The following MEGF11 variants were observed in gnomAD, a reference collection of about 807,000 sequenced individuals.
MEGF11 encodes multiple epidermal growth factor-like domains protein 11.
In MEGF11, 126 loss-of-function variants were observed where a neutral mutation model predicts 146.6. The ratio of observed to expected loss-of-function variants is 0.86; its 90% CI spans 0.74 to 1.00. MEGF11 has a LOEUF of 1.00. Among genes scored for constraint, MEGF11 ranks in the 50% least tolerant of loss-of-function variants. MEGF11 has a pLI of 0.00. For missense variants in MEGF11, 1,509 were observed against 1,521.2 expected (o/e 0.99, Z 0.13); for synonymous variants, 532 against 583.4 (o/e 0.91, Z 1.27).
At chr15:66,126,283 A>G (rs1285896693) in intron 2 of MEGF11, among the ~76,000 whole-genome samples, 1 of 152,116 alleles carries the variant, frequency 6.6e-6, no homozygotes, top group African/African-American at 2.4e-5. Flanking sequence ...GGAAAGACTG[A>G]GAAGAAGAAA....
chr15:65,965,621 T>TCTTTCTTTC (rs2081062250), intron 8 of MEGF11, among the ~76,000 whole-genome samples: 9 of 136,130 alleles, frequency 6.6e-5, no homozygotes, highest in Non-Finnish European at 1.1e-4. Context: ...TTCTTTTTTT[T>TCTTTCTTTC]TTTTTTGGCT....
chr15:66,065,550 TA>T (rs2140435922), intron 5 of MEGF11, among the ~76,000 whole-genome samples: 1 of 152,192 alleles, frequency 6.6e-6, no homozygotes, highest in African/African-American at 2.4e-5. Flanking sequence ...CCAGCTCCCT[TA>T]AAAGACACAG....
At chr15:66,196,868 T>C (rs575745025) in intron 1 of MEGF11, among the ~76,000 whole-genome samples, 4 of 152,300 alleles carry the variant, frequency 2.6e-5, no homozygotes, top group African/African-American at 9.6e-5. Context: ...ATGACAGACC[T>C]CTAAAAATAA....
intron 10 of MEGF11, among the ~76,000 whole-genome samples, chr15:65,949,455 G>T (rs1043014342): frequency 2.0e-5 from 3 of 152,234 alleles, no homozygotes; most frequent in Non-Finnish European, 4.4e-5. Context: ...CCAGCATGCA[G>T]GGTTGAATAA....
chr15:66,250,909 AAAAG>A (rs2092361642), intron 1 of MEGF11, among the ~76,000 whole-genome samples: 1 of 152,170 alleles, frequency 6.6e-6, no homozygotes, highest in Non-Finnish European at 1.5e-5. Context: ...TCTCAAAAAA[AAAAG>A]AATGAAAAAA....
intron 10 of MEGF11, among the ~76,000 whole-genome samples, chr15:65,936,161 G>T (rs1205734753): frequency 1.3e-5 from 2 of 152,048 alleles, no homozygotes; most frequent in Non-Finnish European, 2.9e-5. Context: ...TTTGCCTTGG[G>T]TATGTCTGTG....
At chr15:65,898,552 T>G in intron 25 of MEGF11, 176 bp downstream of exon 25, 1 of 985,396 alleles carries the variant, frequency 1.0e-6, no homozygotes, top group South Asian at 4.7e-5. Context: ...ATAATTTGAC[T>G]TCCTGCATTA....
intron 4 of MEGF11, among the ~76,000 whole-genome samples, chr15:66,116,287 C>T (rs1170751500): frequency 6.6e-6 from 1 of 152,098 alleles, no homozygotes; most frequent in Non-Finnish European, 1.5e-5. Context: ...GAGTGTTAGT[C>T]CCGCCTTCCC....
At chr15:66,031,683 A>G (rs1183222079) in intron 5 of MEGF11, among the ~76,000 whole-genome samples, 8 of 152,182 alleles carry the variant, frequency 5.3e-5, no homozygotes, top group Non-Finnish European at 1.0e-4. Flanking sequence ...TCAGTGTGTG[A>G]TCTTGAGCAA....
chr15:66,150,297 T>C (rs2089515004), intron 1 of MEGF11, among the ~76,000 whole-genome samples: 1 of 152,254 alleles, frequency 6.6e-6, no homozygotes, highest in Non-Finnish European at 1.5e-5. Context: ...TAAGAATCAA[T>C]AACACAATTA....
At chr15:66,189,777 T>A (rs2090819593) in intron 1 of MEGF11, among the ~76,000 whole-genome samples, 1 of 152,052 alleles carries the variant, frequency 6.6e-6, no homozygotes, top group African/African-American at 2.4e-5. Context: ...CCCTGGCACT[T>A]AGTAGTTGCT....
chr15:66,095,154 C>T (rs1045816110), intron 4 of MEGF11, among the ~76,000 whole-genome samples: 6 of 152,352 alleles, frequency 3.9e-5, no homozygotes, highest in Non-Finnish European at 4.4e-5. Flanking sequence ...ATGCTGCAGC[C>T]TCCTGAGGTG....
intron 5 of MEGF11, among the ~76,000 whole-genome samples, chr15:66,015,056 G>A (rs1030885431): frequency 2.6e-5 from 4 of 152,134 alleles, no homozygotes; most frequent in Non-Finnish European, 4.4e-5. Context: ...TCAACATGAC[G>A]TAACAAAACA....
intron 8 of MEGF11, among the ~76,000 whole-genome samples, chr15:65,968,936 G>A (rs1364402103): frequency 2.0e-5 from 3 of 152,280 alleles, no homozygotes; most frequent in South Asian, 2.1e-4. Flanking sequence ...TGTCACCTAC[G>A]AAATTAATGG....
chr15:66,056,182 A>G (rs1300155309), intron 5 of MEGF11, among the ~76,000 whole-genome samples: 1 of 151,292 alleles, frequency 6.6e-6, no homozygotes, highest in East Asian at 1.9e-4. Flanking sequence ...GGTCTAGTTA[A>G]TGCCTTACCC....
intron 11 of MEGF11, among the ~76,000 whole-genome samples, chr15:65,930,410 TCTCC>T (rs1199228655): frequency 6.6e-6 from 1 of 152,014 alleles, no homozygotes. Flanking sequence ...AGGTGTGTCC[TCTCC>T]CTCTTTCTCT....
intron 5 of MEGF11, among the ~76,000 whole-genome samples, chr15:66,025,504 C>T (rs145088576): frequency 3.9e-4 from 60 of 152,230 alleles, no homozygotes; most frequent in African/African-American, 1.2e-3. Flanking sequence ...AAGGGTAGCA[C>T]GGTGGAGTCG....
At chr15:66,041,269 T>C (rs1339603491) in intron 5 of MEGF11, among the ~76,000 whole-genome samples, 2 of 152,214 alleles carry the variant, frequency 1.3e-5, no homozygotes, top group Non-Finnish European at 2.9e-5. Flanking sequence ...CTGTGTTTAT[T>C]AAGGCTCACA....
intron 3 of MEGF11, among the ~76,000 whole-genome samples, chr15:66,123,548 C>T (rs762066822): frequency 2.0e-5 from 3 of 152,178 alleles, no homozygotes; most frequent in Non-Finnish European, 2.9e-5. Context: ...GTTACTTCTA[C>T]GGCAACTGGG....
Sources: allele counts gnomAD v4.1 joint callset (sites outside exome capture counted in the v4.1 genomes callset), GRCh38; gene constraint gnomAD v4.1.1; transcripts MANE v1.5; gene names NCBI Gene and HGNC (gene_info 2026-07-23, HGNC 2026-07-21).